Variants in GPATCH8 observed in about 807,000 individuals in gnomAD.
GPATCH8 encodes the protein G-patch domain containing 8.
A neutral mutation model predicts 118.3 loss-of-function variants in GPATCH8; 18 were observed. The observed-to-expected ratio is 0.15, with a 90% confidence interval of 0.11 to 0.23. The LOEUF (loss-of-function observed/expected upper bound fraction) is 0.23, where lower values mean the gene tolerates loss of function less well. GPATCH8 is among the 10% of genes least tolerant of loss of function. The pLI is 1.00. For missense variants in GPATCH8, 1,631 were observed against 1,873.8 expected (o/e 0.87, Z 2.39); for synonymous variants, 659 against 684.7 (o/e 0.96, Z 0.59).
At chr17:44,502,196 C>T (rs563001580) in intron 1 of GPATCH8, among the ~76,000 whole-genome samples, 1 of 152,142 alleles carries the variant, frequency 6.6e-6, no homozygotes, top group Non-Finnish European at 1.5e-5. Context: ...ATTTACCAAT[C>T]CTATCATCTC....
chr17:44,457,808 G>A (rs369991131), intron 3 of GPATCH8, among the ~76,000 whole-genome samples: 2 of 152,024 alleles, frequency 1.3e-5, no homozygotes, highest in African/African-American at 4.8e-5. Flanking sequence ...TTCGCCGGGC[G>A]CAGTGGCTCA....
Position 44,396,928 on chromosome 17 carries a change from T to C in GPATCH8, c.*640A>G, listed in dbSNP as rs1372516075. ...GGATATGGAGATGCCTCTTCTGGGA[T>C]GAGGGATACCAAGATAACAGTGCCA... On this transcript the variant is annotated 3_prime_UTR_variant, in exon 8 of 8. Transcript: ENST00000591680. 2.2e-6 allele frequency: 1 copy of C among 454,144 alleles called. No individual in the cohort carries two copies. The highest frequency in any genetic ancestry group is 2.3e-5 in the Admixed American group (1 of 42,570). The allele number at this position is 454,144 out of a possible 1,614,324, so 28.1% of individuals were successfully genotyped here. A position where few individuals can be genotyped will look rare whatever the true frequency, so the allele number is the denominator to read the frequency against.
intron 6 of GPATCH8, among the ~76,000 whole-genome samples, chr17:44,421,369 T>C (rs115305706): frequency 0.013 from 1,987 of 151,728 alleles, 44 homozygotes; most frequent in African/African-American, 0.045. Context: ...AAAAAAACCT[T>C]TTTTTTCTTT....
intron 5 of GPATCH8, among the ~76,000 whole-genome samples, chr17:44,429,317 T>A (rs948049860): frequency 2.0e-5 from 3 of 151,900 alleles, no homozygotes; most frequent in African/African-American, 7.3e-5. Context: ...AATTTTAAGG[T>A]AAAAAAGGAT....
intron 1 of GPATCH8, among the ~76,000 whole-genome samples, chr17:44,496,128 C>A (rs1969653477): frequency 6.6e-6 from 1 of 152,198 alleles, no homozygotes; most frequent in Non-Finnish European, 1.5e-5. Context: ...CCTCAGCCTC[C>A]CAAAATGCCG....
intron 1 of GPATCH8, among the ~76,000 whole-genome samples, chr17:44,491,952 G>C (rs1969279787): frequency 6.6e-6 from 1 of 152,088 alleles, no homozygotes; most frequent in South Asian, 2.1e-4. Context: ...TATCCAAAAA[G>C]AAATGGACAT....
At chr17:44,442,826 C>T (rs888511307) in intron 3 of GPATCH8, among the ~76,000 whole-genome samples, 1 of 151,928 alleles carries the variant, frequency 6.6e-6, no homozygotes, top group African/African-American at 2.4e-5. Flanking sequence ...GCCTGTAATC[C>T]CAGCACTTGG....
At chr17:44,432,073 G>C (rs552709039) in intron 5 of GPATCH8, among the ~76,000 whole-genome samples, 32 of 143,546 alleles carry the variant, frequency 2.2e-4, no homozygotes, top group South Asian at 1.5e-3. Context: ...TTTAATTTTA[G>C]GATTCCCTCT....
At chr17:44,421,761 C>G (rs1442814355) in intron 6 of GPATCH8, among the ~76,000 whole-genome samples, 3 of 150,608 alleles carry the variant, frequency 2.0e-5, no homozygotes. Context: ...GGGTCTTGCT[C>G]TGTCACCCAG....
intron 1 of GPATCH8, among the ~76,000 whole-genome samples, chr17:44,491,445 G>C (rs533912791): frequency 7.9e-5 from 11 of 139,006 alleles, no homozygotes; most frequent in African/African-American, 3.0e-4. Flanking sequence ...CCGAGATTGC[G>C]CCACTGCACT....
chr17:44,445,964 C>A (rs923752755), intron 3 of GPATCH8: 7 of 152,100 alleles, frequency 4.6e-5, no homozygotes, highest in Admixed American at 3.3e-4. Flanking sequence ...GAGACAGAAT[C>A]TCACCCTGTT....
At chr17:44,434,257 T>C (rs1211384543) in intron 5 of GPATCH8, among the ~76,000 whole-genome samples, 1 of 151,474 alleles carries the variant, frequency 6.6e-6, no homozygotes, top group Non-Finnish European at 1.5e-5. Flanking sequence ...CTAAAGTCAG[T>C]ATAAATAGGC....
chr17:44,498,114 G>A (rs1969805811), intron 1 of GPATCH8, among the ~76,000 whole-genome samples: 1 of 152,008 alleles, frequency 6.6e-6, no homozygotes, highest in Admixed American at 6.6e-5. Flanking sequence ...TTTAGCTTTG[G>A]TTATACAATT....
intron 2 of GPATCH8, chr17:44,467,156 G>A: frequency 9.8e-7 from 1 of 1,016,502 alleles, no homozygotes. Flanking sequence ...GTAAGAAACT[G>A]TCCAATCACT....
At chr17:44,464,197 CA>C (rs1345628374) in intron 3 of GPATCH8, among the ~76,000 whole-genome samples, 2 of 149,528 alleles carry the variant, frequency 1.3e-5, no homozygotes, top group Non-Finnish European at 1.5e-5. Flanking sequence ...TCACCTCCAC[CA>C]AAAAAAAAAT....
At position 44,399,193 on chromosome 17, in the gene GPATCH8, T is replaced by A. The variant is rs147981247; in HGVS notation, c.2884A>T (p.Ser962Cys). The change falls in exon 8 of 8, where the codon AGC (serine) becomes TGC (cysteine). Residue 962 changes from serine (S) to cysteine (C), a missense_variant. Physicochemically the swap from Ser to Cys is moderately radical, Grantham distance 112. Around this residue, in one of 8 missense-constraint regions of GPATCH8, gnomAD observed 922 missense variants for 879.7 expected, o/e 1.05. Coordinates refer to ENST00000591680, the MANE Select transcript of GPATCH8 (RefSeq NM_001002909.4). ...CTTCGACTACGACTACAACTGCTGC[T>A]GCGGCTGCGGCCCCGGGATCTTGAG... ...ERSRSRGRSR[S>C]SSCSRSRSKR... is the part of the protein sequence containing the mutation. 199 of 1,613,506 alleles carry A rather than the reference T, an allele frequency of 1.2e-4. No individual in the cohort carries two copies. Among genetic ancestry groups the A allele is most frequent in the Non-Finnish European group, 1.4e-4 (165 of 1,179,612 alleles).
At chr17:44,431,617 G>C (rs1382053446) in intron 5 of GPATCH8, among the ~76,000 whole-genome samples, 3 of 151,886 alleles carry the variant, frequency 2.0e-5, no homozygotes, top group Non-Finnish European at 2.9e-5. Context: ...TTAAAAGTCT[G>C]GTAGAGCTAT....
Position 44,399,340 on chromosome 17 carries a change from C to T in GPATCH8, c.2737G>A (p.Asp913Asn), listed in dbSNP as rs1283665531. The change falls in exon 8 of 8, where the codon GAC becomes AAC. Residue 913 changes from aspartate to asparagine, a missense_variant. Physicochemically the swap from Asp to Asn is conservative, Grantham distance 23 (BLOSUM62 1). Around this residue, in one of 8 missense-constraint regions of GPATCH8, gnomAD observed 922 missense variants for 879.7 expected, o/e 1.05. Transcript: ENST00000591680. Reference sequence around the variant, plus strand: ...TGTTTGGAGCTGGCATAGTCTGAGTCATCTGAGTCATGGGAGCGCTTGGAG... The same window carrying T: ...TGTTTGGAGCTGGCATAGTCTGAGTTATCTGAGTCATGGGAGCGCTTGGAG... Reference protein sequence around the residue: ...RHSKRSHDSDDSDYASSKHRS... With the variant: ...RHSKRSHDSDNSDYASSKHRS... The T allele has an allele frequency of 1.2e-6, 2 of 1,614,080 alleles. No individual in the cohort carries two copies. The highest frequency in any genetic ancestry group is 1.6e-4 in the Middle Eastern group (1 of 6,062).
chr17:44,501,916 G>T (rs1001645730), intron 1 of GPATCH8, among the ~76,000 whole-genome samples: 1 of 152,000 alleles, frequency 6.6e-6, no homozygotes, highest in Non-Finnish European at 1.5e-5. Flanking sequence ...TATAGTGCTT[G>T]CTAATATATA....
Sources: allele counts gnomAD v4.1 joint callset (sites outside exome capture counted in the v4.1 genomes callset), GRCh38; gene constraint gnomAD v4.1.1; regional missense constraint gnomAD v4.1.1; transcripts MANE v1.5; gene names NCBI Gene and HGNC (gene_info 2026-07-23, HGNC 2026-07-21).